Variants in CCSER1 observed in about 807,000 individuals in gnomAD.
The protein encoded by CCSER1 is coiled-coil serine rich protein 1.
A neutral mutation model predicts 82.0 loss-of-function variants in CCSER1; 41 were observed. That is an observed-to-expected ratio of 0.50 (90% confidence interval 0.39 to 0.65). The LOEUF is 0.65. CCSER1 is among the 30% of genes least tolerant of loss of function. The pLI is 0.00. For synonymous variants in CCSER1, 414 were observed against 383.9 expected (o/e 1.08, Z -0.92); for missense variants, 1,119 against 1,064.2 (o/e 1.05, Z -0.72).
chr4:90,309,321 A>G lies in CCSER1; in HGVS notation c.1037A>G (p.Lys346Arg), dbSNP rs1377807960. The G allele has an allele frequency of 6.8e-6, 11 of 1,613,892 alleles. No homozygotes were observed. Among genetic ancestry groups the G allele is most frequent in the Non-Finnish European group, 8.5e-6 (10 of 1,179,822 alleles). The change falls in exon 2 of 11, where the codon AAG becomes AGG. Residue 346 changes from lysine to arginine, a missense_variant. Physicochemically the swap from Lys to Arg is conservative, Grantham distance 26. Transcript: ENST00000509176. ...SLPETSAANQ[K>R]EVLLQIAELP... is the part of the protein sequence containing the mutation. The stretch of plus-strand genomic sequence containing the variant: ...CCGGAAACCTCTGCTGCTAATCAGA[A>G]GGAAGTGTTATTACAAATTGCTGAA...
chr4:91,091,033 C>G (rs1723892841), intron 10 of CCSER1, among the ~76,000 whole-genome samples: 1 of 152,176 alleles, frequency 6.6e-6, no homozygotes, highest in South Asian at 2.1e-4. Context: ...TCCCAAGTAG[C>G]CCAAATGACA....
chr4:91,153,501 G>A (rs1436480334), intron 10 of CCSER1, among the ~76,000 whole-genome samples: 36 of 151,906 alleles, frequency 2.4e-4, no homozygotes, highest in Non-Finnish European at 1.5e-5. Flanking sequence ...ATCTTCTGAA[G>A]CCTTCTTCTC....
At chr4:91,089,260 A>T (rs1258072544) in intron 10 of CCSER1, among the ~76,000 whole-genome samples, 1 of 152,192 alleles carries the variant, frequency 6.6e-6, no homozygotes, top group Non-Finnish European at 1.5e-5. Context: ...GAAGCTTCAG[A>T]GTGTCCTTCC....
chr4:90,710,270 TTTG>T (rs936675528), intron 6 of CCSER1, among the ~76,000 whole-genome samples: 15 of 151,832 alleles, frequency 9.9e-5, no homozygotes, highest in Non-Finnish European at 2.1e-4. Flanking sequence ...GTGATAGTTT[TTTG>T]TTGTTGTTGT....
intron 10 of CCSER1, among the ~76,000 whole-genome samples, chr4:91,144,348 C>CT (rs972493807): frequency 1.3e-5 from 2 of 148,834 alleles, no homozygotes; most frequent in East Asian, 2.0e-4. Flanking sequence ...TTGGATCTCT[C>CT]TTTTTTTCTC....
intron 10 of CCSER1, among the ~76,000 whole-genome samples, chr4:91,282,987 A>C (rs754035272): frequency 4.6e-5 from 7 of 152,106 alleles, no homozygotes; most frequent in Non-Finnish European, 8.8e-5. Context: ...GTAAATGTTC[A>C]ATACATATTA....
intron 3 of CCSER1, among the ~76,000 whole-genome samples, chr4:90,397,414 TGGGTGA>T (rs1285677929): frequency 1.3e-5 from 2 of 152,230 alleles, no homozygotes; most frequent in Non-Finnish European, 2.9e-5. Context: ...TTTCAAATTG[TGGGTGA>T]ATGTATTAAC....
chr4:90,302,590 C>T (rs1458845300), intron 1 of CCSER1, among the ~76,000 whole-genome samples: 3 of 152,054 alleles, frequency 2.0e-5, no homozygotes, highest in African/African-American at 7.2e-5. Flanking sequence ...TGCTTGAGGC[C>T]AGGAGTTTGA....
chr4:90,353,899 T>C (rs1281512810), intron 3 of CCSER1, among the ~76,000 whole-genome samples: 1 of 152,112 alleles, frequency 6.6e-6, no homozygotes, highest in Non-Finnish European at 1.5e-5. Flanking sequence ...TAAAAATAGA[T>C]CTGTCATATG....
At chr4:91,054,607 T>C (rs1404729077) in intron 9 of CCSER1, among the ~76,000 whole-genome samples, 1 of 152,100 alleles carries the variant, frequency 6.6e-6, no homozygotes, top group Non-Finnish European at 1.5e-5. Flanking sequence ...CCTATTTGTG[T>C]TTTGGGATCT....
At chr4:90,773,441 A>G (rs1752495479) in intron 7 of CCSER1, among the ~76,000 whole-genome samples, 2 of 152,192 alleles carry the variant, frequency 1.3e-5, no homozygotes, top group South Asian at 4.1e-4. Flanking sequence ...GACACTAAAA[A>G]TGCTTGATGG....
At chr4:91,036,256 G>A (rs750909018) in intron 9 of CCSER1, among the ~76,000 whole-genome samples, 1 of 152,118 alleles carries the variant, frequency 6.6e-6, no homozygotes, top group Non-Finnish European at 1.5e-5. Context: ...GCATGAAACA[G>A]TATTTTGTAA....
intron 5 of CCSER1, among the ~76,000 whole-genome samples, chr4:90,583,351 A>C (rs1156754460): frequency 6.6e-6 from 1 of 151,962 alleles, no homozygotes; most frequent in Non-Finnish European, 1.5e-5. Flanking sequence ...TTTTTAGTAG[A>C]GATGGGGTTT....
chr4:90,828,360 A>G (rs1272720238), intron 8 of CCSER1, among the ~76,000 whole-genome samples: 1 of 152,170 alleles, frequency 6.6e-6, no homozygotes, highest in Non-Finnish European at 1.5e-5. Flanking sequence ...CCATAAGTCT[A>G]TTTATATCAC....
At chr4:90,574,912 C>T (rs1780571710) in intron 5 of CCSER1, among the ~76,000 whole-genome samples, 1 of 152,026 alleles carries the variant, frequency 6.6e-6, no homozygotes, top group African/African-American at 2.4e-5. Flanking sequence ...CAGGAATCTA[C>T]AGGGAGGAGC....
intron 9 of CCSER1, among the ~76,000 whole-genome samples, chr4:91,005,390 TACACACAC>T (rs10555507): frequency 4.7e-5 from 7 of 149,248 alleles, no homozygotes; most frequent in African/African-American, 1.2e-4. Context: ...GAAGTAATTT[TACACACAC>T]ACACACACAC....
chr4:90,733,533 A>T (rs1313750989), intron 7 of CCSER1, among the ~76,000 whole-genome samples: 1 of 152,100 alleles, frequency 6.6e-6, no homozygotes, highest in Non-Finnish European at 1.5e-5. Flanking sequence ...TTTTAACTTG[A>T]TATGATCCCA....
chr4:90,340,686 T>C (rs1741222584), intron 3 of CCSER1, among the ~76,000 whole-genome samples: 1 of 152,152 alleles, frequency 6.6e-6, no homozygotes, highest in African/African-American at 2.4e-5. Context: ...ATTTGGCAAT[T>C]TCTAGCAATT....
intron 10 of CCSER1, among the ~76,000 whole-genome samples, chr4:91,348,260 C>A (rs781137164): frequency 6.6e-6 from 1 of 151,914 alleles, no homozygotes; most frequent in Non-Finnish European, 1.5e-5. Flanking sequence ...TTATTTAGCC[C>A]GTTGATGTGA....
Sources: allele counts gnomAD v4.1 joint callset (sites outside exome capture counted in the v4.1 genomes callset), GRCh38; gene constraint gnomAD v4.1.1; transcripts MANE v1.5; gene names NCBI Gene and HGNC (gene_info 2026-07-23, HGNC 2026-07-21).